Variants in GPC5 observed in about 807,000 individuals in gnomAD.
The protein encoded by GPC5 is glypican 5, also known as glypican-5.
In GPC5, 47 loss-of-function variants were observed where a neutral mutation model predicts 53.9. That is an observed-to-expected ratio of 0.87 (90% confidence interval 0.69 to 1.11). The LOEUF (loss-of-function observed/expected upper bound fraction) is 1.11. Ranked by LOEUF, GPC5 falls within the 50% of genes most tolerant of loss-of-function variation. The pLI is 0.00. For missense variants in GPC5, 748 were observed against 713.1 expected (o/e 1.05, Z -0.56); for synonymous variants, 286 against 263.3 (o/e 1.09, Z -0.84).
At chr13:91,773,083 T>G (rs1287150654) in intron 5 of GPC5, among the ~76,000 whole-genome samples, 1 of 152,180 alleles carries the variant, frequency 6.6e-6, no homozygotes, top group Non-Finnish European at 1.5e-5. Context: ...TGGGATTCCA[T>G]CTTGATGTAC....
chr13:91,819,412 G>T (rs1379399159), intron 5 of GPC5, among the ~76,000 whole-genome samples: 1 of 151,908 alleles, frequency 6.6e-6, no homozygotes, highest in Non-Finnish European at 1.5e-5. Flanking sequence ...GTCTGCCTCA[G>T]CCTCCCAAAG....
At chr13:92,176,792 C>T (rs1286137684) in intron 7 of GPC5, among the ~76,000 whole-genome samples, 1 of 152,140 alleles carries the variant, frequency 6.6e-6, no homozygotes, top group Admixed American at 6.5e-5. Flanking sequence ...ATTTCCAGCA[C>T]ACTACCAGGC....
At chr13:92,046,066 G>A (rs115893113) in intron 6 of GPC5, among the ~76,000 whole-genome samples, 2,938 of 150,126 alleles carry the variant, frequency 0.02, 94 homozygotes, top group African/African-American at 0.067. Flanking sequence ...ACCCAAGATC[G>A]CACCACCGCA....
At chr13:91,540,972 G>A (rs569050110) in intron 2 of GPC5, among the ~76,000 whole-genome samples, 1 of 151,930 alleles carries the variant, frequency 6.6e-6, no homozygotes, top group Non-Finnish European at 1.5e-5. Context: ...TGCATTTTTG[G>A]TGAACGATGA....
At chr13:92,459,724 T>G (rs1878407416) in intron 7 of GPC5, among the ~76,000 whole-genome samples, 1 of 152,212 alleles carries the variant, frequency 6.6e-6, no homozygotes, top group African/African-American at 2.4e-5. Flanking sequence ...CCTGATGAAA[T>G]GCATACATCT....
At chr13:91,697,997 G>C (rs2035918336) in intron 3 of GPC5, among the ~76,000 whole-genome samples, 1 of 151,598 alleles carries the variant, frequency 6.6e-6, no homozygotes, top group Non-Finnish European at 1.5e-5. Context: ...CACCTCCCGG[G>C]TTCAAGCAAT....
intron 2 of GPC5, among the ~76,000 whole-genome samples, chr13:91,488,310 G>A (rs1883732036): frequency 6.6e-6 from 1 of 152,124 alleles, no homozygotes; most frequent in South Asian, 2.1e-4. Flanking sequence ...TAACCCGCTT[G>A]TAAGTTTCTT....
chr13:91,447,819 C>T (rs544045839), intron 1 of GPC5, among the ~76,000 whole-genome samples: 48 of 151,634 alleles, frequency 3.2e-4, no homozygotes, highest in African/African-American at 1.1e-3. Flanking sequence ...AGGAAATAAC[C>T]GTATTAGGCC....
At chr13:92,004,486 A>G (rs1465688995) in intron 6 of GPC5, among the ~76,000 whole-genome samples, 1 of 125,096 alleles carries the variant, frequency 8.0e-6, no homozygotes, top group Non-Finnish European at 1.7e-5. Flanking sequence ...ATATATATAT[A>G]TATAATTACA....
At chr13:91,634,664 G>A (rs750886120) in intron 2 of GPC5, among the ~76,000 whole-genome samples, 19 of 151,846 alleles carry the variant, frequency 1.3e-4, no homozygotes, top group African/African-American at 1.9e-4. Context: ...AAATACTGAT[G>A]TCTTTCTGTG....
intron 6 of GPC5, among the ~76,000 whole-genome samples, chr13:91,915,778 T>A (rs190330782): frequency 2.0e-5 from 3 of 152,298 alleles, no homozygotes; most frequent in Admixed American, 6.5e-5. Flanking sequence ...CTAATTCATA[T>A]TTCTTTTTAA....
At chr13:91,923,869 G>A (rs1188107658) in intron 6 of GPC5, among the ~76,000 whole-genome samples, 8 of 151,774 alleles carry the variant, frequency 5.3e-5, no homozygotes, top group South Asian at 2.1e-4. Flanking sequence ...TGAGCTTGTC[G>A]GCTTTTAATT....
intron 7 of GPC5, among the ~76,000 whole-genome samples, chr13:92,727,039 A>C (rs746515590): frequency 2.0e-5 from 3 of 151,528 alleles, no homozygotes; most frequent in Non-Finnish European, 4.4e-5. Flanking sequence ...AAATGCATTC[A>C]GACTCTTTTT....
intron 7 of GPC5, among the ~76,000 whole-genome samples, chr13:92,427,235 A>C (rs1251147448): frequency 6.6e-6 from 1 of 150,968 alleles, no homozygotes; most frequent in Non-Finnish European, 1.5e-5. Flanking sequence ...GATGAATCTG[A>C]CTCTGTGTTA....
chr13:91,983,160 A>T (rs993840923), intron 6 of GPC5, among the ~76,000 whole-genome samples: 7 of 152,086 alleles, frequency 4.6e-5, no homozygotes, highest in African/African-American at 9.7e-5. Flanking sequence ...CCTGGCTAAC[A>T]CGGTGAAACC....
intron 6 of GPC5, among the ~76,000 whole-genome samples, chr13:91,993,338 T>A (rs1326784696): frequency 6.6e-6 from 1 of 152,152 alleles, no homozygotes; most frequent in Non-Finnish European, 1.5e-5. Context: ...TTTACCCTCA[T>A]AACTTGAAAC....
intron 7 of GPC5, among the ~76,000 whole-genome samples, chr13:92,507,261 C>G (rs941487273): frequency 7.2e-5 from 11 of 152,234 alleles, no homozygotes; most frequent in Admixed American, 3.3e-4. Flanking sequence ...ATCTTACCCA[C>G]TTACAGCATC....
intron 7 of GPC5, among the ~76,000 whole-genome samples, chr13:92,387,457 T>G (rs1200798527): frequency 1.3e-5 from 2 of 152,130 alleles, no homozygotes; most frequent in African/African-American, 2.4e-5. Flanking sequence ...ATGTATTTAA[T>G]AAGGCTGTAG....
chr13:91,930,499 C>A (rs866156739), intron 6 of GPC5, among the ~76,000 whole-genome samples: 1 of 151,744 alleles, frequency 6.6e-6, no homozygotes, highest in Non-Finnish European at 1.5e-5. Context: ...CAAATTCTAC[C>A]GTAGATAAAC....
Sources: gnomAD v4.1 joint callset for allele counts (sites outside exome capture counted in the v4.1 genomes callset) on GRCh38, gnomAD v4.1.1 for gene constraint, MANE v1.5 for transcripts, NCBI Gene and HGNC (gene_info 2026-07-23, HGNC 2026-07-21) for gene names.